Variants in NFATC1 observed in about 807,000 individuals in gnomAD.
The protein encoded by NFATC1 is nuclear factor of activated T-cells, cytoplasmic 1.
Under a neutral mutation model 76.0 loss-of-function variants are expected in NFATC1, and 22 were observed. The ratio of observed to expected loss-of-function variants is 0.29; its 90% CI spans 0.21 to 0.41. NFATC1 has a LOEUF of 0.41. NFATC1 is among the 10% of genes least tolerant of loss of function. NFATC1 has a pLI of 1.00. For missense variants in NFATC1, 1,357 were observed against 1,337.7 expected (o/e 1.01, Z -0.23); for synonymous variants, 704 against 613.1 (o/e 1.15, Z -2.19).
chr18:79,415,971 C>T (rs907938050), intron 2 of NFATC1, among the ~76,000 whole-genome samples: 4 of 152,062 alleles, frequency 2.6e-5, no homozygotes, highest in Admixed American at 2.6e-4. Flanking sequence ...CTGAGGCAGG[C>T]GAATCATTTG....
intron 2 of NFATC1, among the ~76,000 whole-genome samples, chr18:79,423,677 G>A (rs754786173): frequency 2.2e-4 from 33 of 152,254 alleles, no homozygotes; most frequent in Non-Finnish European, 3.8e-4. Flanking sequence ...CTCACCCGGC[G>A]GGCAGGAGGG....
rs71338048 is a variant in NFATC1 at position 79,492,708 on chromosome 18, C to CA, written c.2782+5785dup. ...TGGGTGACAGAGCGAGACTCCATCT[C>CA]AAAAAAAAAAAAAAGATTAGCTGGG... is the stretch of plus-strand genomic sequence containing the variant. On this transcript the variant is annotated intron_variant, in intron 9 of 9. Transcript: ENST00000427363. Among the ~76,000 whole-genome samples the CA allele has an allele frequency of 4.2e-3, 496 of 118,818 alleles. 1 individual carries two copies. The highest frequency in any genetic ancestry group is 0.011 in the Middle Eastern group (2 of 188). The allele number at this position is 118,818 out of a possible 152,430, so 77.9% of individuals were successfully genotyped here. A position where few individuals can be genotyped will look rare whatever the true frequency, so the allele number is the denominator to read the frequency against.
chr18:79,488,873 G>T (rs2089598149), intron 9 of NFATC1, among the ~76,000 whole-genome samples: 1 of 152,222 alleles, frequency 6.6e-6, no homozygotes, highest in Non-Finnish European at 1.5e-5. Context: ...TGCAGGCCCA[G>T]GTGGGAAGCA....
intron 2 of NFATC1, among the ~76,000 whole-genome samples, chr18:79,433,181 A>G (rs1269887004): frequency 6.6e-6 from 1 of 152,176 alleles, no homozygotes; most frequent in Non-Finnish European, 1.5e-5. Flanking sequence ...CACCTGTCTC[A>G]TGGCAGCCAC....
chr18:79,512,355 G>C (rs2090275535), intron 9 of NFATC1, among the ~76,000 whole-genome samples: 1 of 152,210 alleles, frequency 6.6e-6, no homozygotes, highest in Non-Finnish European at 1.5e-5. Context: ...CCACCACGTG[G>C]AGTTTAGACT....
chr18:79,437,052 G>T (rs1355673328), intron 3 of NFATC1, among the ~76,000 whole-genome samples: 2 of 152,206 alleles, frequency 1.3e-5, no homozygotes, highest in African/African-American at 4.8e-5. Context: ...GCCTGGAAGA[G>T]CGGGGCCCTG....
At chr18:79,466,877 A>C (rs1004698433) in intron 7 of NFATC1, among the ~76,000 whole-genome samples, 1 of 152,188 alleles carries the variant, frequency 6.6e-6, no homozygotes, top group African/African-American at 2.4e-5. Flanking sequence ...GCCACCGAGC[A>C]CTTCCATCAC....
At chr18:79,507,482 C>A (rs2090143143) in intron 9 of NFATC1, among the ~76,000 whole-genome samples, 1 of 152,234 alleles carries the variant, frequency 6.6e-6, no homozygotes, top group Non-Finnish European at 1.5e-5. Context: ...GCCAAGGGAG[C>A]CCCTGCCCTC....
rs946616424 is a variant in NFATC1, at chr18:79,429,545, C to T, written c.1227-4034C>T. Reference sequence around the variant, plus strand: ...GACCCCCGACTGAAGCACGCCTGCCCGAGGCTGCCCCAGGCGTCGTCCCCC... The same window carrying T: ...GACCCCCGACTGAAGCACGCCTGCCTGAGGCTGCCCCAGGCGTCGTCCCCC... On this transcript the variant is annotated intron_variant, in intron 2 of 9. Coordinates refer to ENST00000427363, the MANE Select transcript of NFATC1 (RefSeq NM_001278669.2). Among the ~76,000 whole-genome samples the T allele has an allele frequency of 3.3e-5, 5 of 152,134 alleles. No individual in the cohort carries two copies. In the East Asian group the frequency reaches 5.8e-4, roughly 18 times the overall value.
chr18:79,457,994 G>T (rs1568986470), intron 6 of NFATC1, among the ~76,000 whole-genome samples: 1 of 152,210 alleles, frequency 6.6e-6, no homozygotes, highest in Non-Finnish European at 1.5e-5. Context: ...ATGGCACTAG[G>T]CCACGTCCAC....
At chr18:79,424,893 C>G (rs1283134568) in intron 2 of NFATC1, among the ~76,000 whole-genome samples, 1 of 131,406 alleles carries the variant, frequency 7.6e-6, no homozygotes, top group African/African-American at 2.5e-5. Flanking sequence ...TTCTCCATCT[C>G]TGTTTCTCCA....
intron 6 of NFATC1, among the ~76,000 whole-genome samples, chr18:79,453,402 G>A (rs777608835): frequency 1.3e-5 from 2 of 152,238 alleles, no homozygotes; most frequent in East Asian, 1.9e-4. Context: ...GTGCCACGGC[G>A]CCATGGGTAA....
At chr18:79,505,614 C>T in intron 9 of NFATC1, among the ~76,000 whole-genome samples, 1 of 140,996 alleles carries the variant, frequency 7.1e-6, no homozygotes, top group Non-Finnish European at 1.5e-5. Flanking sequence ...ATGGAAGAGG[C>T]AGGAGACTGC....
At chr18:79,493,348 C>G (rs1321542684) in intron 9 of NFATC1, 1 of 152,260 alleles carries the variant, frequency 6.6e-6, no homozygotes, top group Non-Finnish European at 1.5e-5. Flanking sequence ...CGCTGCGGTG[C>G]CCGCGGGTCT....
chr18:79,514,604 C>T (rs1335779726), intron 9 of NFATC1, among the ~76,000 whole-genome samples: 1 of 150,776 alleles, frequency 6.6e-6, no homozygotes, highest in Non-Finnish European at 1.5e-5. Context: ...AATCTCACTC[C>T]CCACCCCCAC....
At chr18:79,521,879 GT>G (rs1175552492) in intron 9 of NFATC1, among the ~76,000 whole-genome samples, 6 of 73,684 alleles carry the variant, frequency 8.1e-5, no homozygotes, top group African/African-American at 2.2e-4. Context: ...GTCTGTGTGT[GT>G]GGGGGGGGCA....
chr18:79,450,048 A>G (rs1159782707), intron 4 of NFATC1, among the ~76,000 whole-genome samples: 1 of 152,188 alleles, frequency 6.6e-6, no homozygotes, highest in Non-Finnish European at 1.5e-5. Context: ...TGCGTTCCAC[A>G]GCCGTAGTAA....
chr18:79,410,397 C>A lies in NFATC1; in HGVS notation c.128-6C>A. On this transcript the variant is annotated splice_region_variant and splice_polypyrimidine_tract_variant and intron_variant, in intron 1 of 9. Coordinates refer to ENST00000427363, the MANE Select transcript of NFATC1 (RefSeq NM_001278669.2). This position sits in a 1 kb window ranked among gnomAD's most constrained non-coding sequence, Gnocchi z 6.7. ...CATGCTCCCATCTGCTTCTTTTTCTCTCTAGAACACTATGGCTATGCATCC... is the reference window on the plus strand; with the variant it reads ...CATGCTCCCATCTGCTTCTTTTTCTATCTAGAACACTATGGCTATGCATCC... 1.2e-6 allele frequency: 2 copies of A among 1,602,354 alleles called. No individual in the cohort carries two copies. Among genetic ancestry groups the A allele is most frequent in the Non-Finnish European group, 8.5e-7 (1 of 1,175,354 alleles).
intron 6 of NFATC1, among the ~76,000 whole-genome samples, chr18:79,458,464 G>T (rs554566315): frequency 6.6e-6 from 1 of 152,208 alleles, no homozygotes; most frequent in Non-Finnish European, 1.5e-5. Context: ...GCACCGGCGT[G>T]GGGGTGGCCC....
Sources: allele counts gnomAD v4.1 joint callset (sites outside exome capture counted in the v4.1 genomes callset), GRCh38; gene constraint gnomAD v4.1.1; non-coding constraint Gnocchi (gnomAD v3.1); transcripts MANE v1.5; gene names NCBI Gene and HGNC (gene_info 2026-07-23, HGNC 2026-07-21).